The following RAP1GAP2 variants were observed in gnomAD, a reference collection of about 807,000 sequenced individuals.
RAP1GAP2 encodes the protein RAP1 GTPase activating protein 2, also known as rap1 GTPase-activating protein 2.
RAP1GAP2 carries 27 observed loss-of-function variants against 95.0 expected under a neutral mutation model. The observed-to-expected ratio is 0.28, with a 90% CI of 0.21 to 0.39. The LOEUF is 0.39. Among genes scored for constraint, RAP1GAP2 ranks in the 10% least tolerant of loss-of-function variants. The probability of loss-of-function intolerance (pLI) is 1.00; values close to 1 mark genes in which losing one functional copy is unlikely to be tolerated. For missense variants in RAP1GAP2, 771 were observed against 970.0 expected (o/e 0.79, Z 2.72); for synonymous variants, 373 against 380.9 (o/e 0.98, Z 0.24).
upstream of RAP1GAP2, chr17:2,796,365 C>T: frequency 1.4e-6 from 1 of 726,574 alleles, no homozygotes; most frequent in Non-Finnish European, 2.4e-6. This position sits in a 1 kb window ranked among gnomAD's most constrained non-coding sequence, Gnocchi z 4.7. Flanking sequence ...TCTGCAGCCT[C>T]ACCCACAGGA....
intron 11 of RAP1GAP2, among the ~76,000 whole-genome samples, chr17:2,990,534 C>T (rs959526737): frequency 6.6e-6 from 1 of 151,036 alleles, no homozygotes; most frequent in Non-Finnish European, 1.5e-5. Context: ...GGTATATGCC[C>T]GGGAGTGAAG....
chr17:2,881,974 C>G (rs141895951), intron 2 of RAP1GAP2, among the ~76,000 whole-genome samples: 101 of 152,028 alleles, frequency 6.6e-4, no homozygotes, highest in Middle Eastern at 3.4e-3. Context: ...GTGCCTGCCA[C>G]CACGCCTGGC....
intron 1 of RAP1GAP2, among the ~76,000 whole-genome samples, chr17:2,789,782 A>AT (rs1491403061): frequency 6.9e-5 from 1 of 14,576 alleles, no homozygotes; most frequent in Non-Finnish European, 2.0e-4. Flanking sequence ...ACTCCATCTG[A>AT]AAAAAAAAAA....
chr17:2,808,702 C>T (rs1017075025), intron 2 of RAP1GAP2, among the ~76,000 whole-genome samples: 4 of 152,188 alleles, frequency 2.6e-5, no homozygotes, highest in African/African-American at 7.2e-5. Flanking sequence ...CCAGGTGGGT[C>T]GAGGAGAATG....
chr17:2,944,174 A>T (rs544146750), intron 3 of RAP1GAP2, among the ~76,000 whole-genome samples: 2 of 151,736 alleles, frequency 1.3e-5, no homozygotes, highest in Non-Finnish European at 2.9e-5. Flanking sequence ...AAAAAAAAAA[A>T]AAAAAAAAAC....
chr17:2,893,945 C>T (rs531542584), intron 2 of RAP1GAP2, among the ~76,000 whole-genome samples: 80 of 152,356 alleles, frequency 5.3e-4, no homozygotes, highest in African/African-American at 1.9e-3. Flanking sequence ...TGCCTTCTCA[C>T]CTCTCCTTCC....
intron 1 of RAP1GAP2, among the ~76,000 whole-genome samples, chr17:2,766,315 G>A (rs1360820949): frequency 6.6e-6 from 1 of 152,096 alleles, no homozygotes; most frequent in African/African-American, 2.4e-5. Flanking sequence ...TTTAGGAGAC[G>A]GGGCCTTTGG....
intron 1 of RAP1GAP2, among the ~76,000 whole-genome samples, chr17:2,786,018 C>G (rs1192381766): frequency 6.6e-6 from 1 of 151,552 alleles, no homozygotes; most frequent in East Asian, 1.9e-4. Context: ...TCTCCTGCCT[C>G]AGCCTCCTGC....
intron 3 of RAP1GAP2, among the ~76,000 whole-genome samples, chr17:2,934,252 C>T (rs2043238613): frequency 6.6e-6 from 1 of 152,214 alleles, no homozygotes; most frequent in Non-Finnish European, 1.5e-5. Flanking sequence ...CTGACTCAGC[C>T]TCCTGAGTAG....
At chr17:2,773,211 C>T (rs1460317966), upstream of RAP1GAP2, among the ~76,000 whole-genome samples, 1 of 152,060 alleles carries the variant, frequency 6.6e-6, no homozygotes, top group African/African-American at 2.4e-5. Flanking sequence ...TAGTCAAGTT[C>T]CAGAGTCAGC....
At chr17:2,781,403 C>T (rs1335465385) in intron 1 of RAP1GAP2, among the ~76,000 whole-genome samples, 1 of 152,240 alleles carries the variant, frequency 6.6e-6, no homozygotes, top group Non-Finnish European at 1.5e-5. Context: ...CATGTGGACA[C>T]ATCTGTGCTT....
chr17:2,937,317 G>A (rs2043335871), intron 3 of RAP1GAP2, among the ~76,000 whole-genome samples: 2 of 152,174 alleles, frequency 1.3e-5, no homozygotes, highest in Admixed American at 6.5e-5. Context: ...ATGCCTTCCT[G>A]CAAAGAGGCA....
At position 3,018,185 on chromosome 17, in the gene RAP1GAP2, A is replaced by C; in HGVS notation, c.1619A>C (p.Lys540Thr). 1.8e-5 allele frequency: 29 copies of C among 1,573,468 alleles called. No homozygotes were observed. The highest frequency in any genetic ancestry group is 2.5e-5 in the Non-Finnish European group (29 of 1,160,146). ...TCCCACAACAGCATGGAGGTCACCA[A>C]GACCACCTTCTCGGTGAGTGCTGGC... ...GISHNSMEVT[K>T]TTFSPPVVAA... Residue 540 changes from lysine to threonine, a missense_variant, in exon 18 of 25, where the codon AAG (lysine) becomes ACG (threonine). Transcript: ENST00000254695.
chr17:2,822,634 T>G (rs540022755), intron 2 of RAP1GAP2, among the ~76,000 whole-genome samples: 69 of 134,052 alleles, frequency 5.1e-4, no homozygotes, highest in African/African-American at 1.6e-3. Flanking sequence ...TTTGTTTTTT[T>G]TTTTTTTTTT....
intron 13 of RAP1GAP2, among the ~76,000 whole-genome samples, chr17:2,996,109 C>T (rs11869424): frequency 2.7e-3 from 412 of 152,272 alleles, no homozygotes; most frequent in African/African-American, 8.3e-3. Flanking sequence ...GCCCCAGTGA[C>T]GGAAGGCTGG....
chr17:2,927,172 T>A (rs561724062), intron 3 of RAP1GAP2, among the ~76,000 whole-genome samples: 1 of 150,996 alleles, frequency 6.6e-6, no homozygotes, highest in African/African-American at 2.4e-5. Context: ...TTTTTTTTTT[T>A]AGACAGAATC....
chr17:2,856,016 ATG>A (rs1228956867), intron 2 of RAP1GAP2, among the ~76,000 whole-genome samples: 2 of 152,218 alleles, frequency 1.3e-5, no homozygotes, highest in Non-Finnish European at 2.9e-5. Context: ...TGCCAGCGAC[ATG>A]TGTGTCTAGC....
chr17:2,858,764 A>C (rs910329584), intron 2 of RAP1GAP2, among the ~76,000 whole-genome samples: 1 of 152,058 alleles, frequency 6.6e-6, no homozygotes. Context: ...ATAAAAAAAC[A>C]TAGCTGAGCA....
At chr17:2,891,819 T>C (rs1053921233) in intron 2 of RAP1GAP2, among the ~76,000 whole-genome samples, 11 of 107,604 alleles carry the variant, frequency 1.0e-4, no homozygotes, top group East Asian at 4.6e-4. Context: ...CTTTTCTTTT[T>C]TTTTTTTTTT....
Sources: allele counts gnomAD v4.1 joint callset (sites outside exome capture counted in the v4.1 genomes callset), GRCh38; gene constraint gnomAD v4.1.1; non-coding constraint Gnocchi (gnomAD v3.1); transcripts MANE v1.5; gene names NCBI Gene and HGNC (gene_info 2026-07-23, HGNC 2026-07-21).